The following LYPD2 variants were observed in gnomAD, a reference collection of about 807,000 sequenced individuals.
LYPD2 encodes ly6/PLAUR domain-containing protein 2.
LYPD2 carries 5 observed loss-of-function variants against 7.1 expected under a neutral mutation model. The observed-to-expected ratio is 0.70, with a 90% CI of 0.37 to 1.48. The LOEUF (loss-of-function observed/expected upper bound fraction) is 1.48. Ranked by LOEUF, LYPD2 falls within the 40% of genes most tolerant of loss-of-function variation. The probability of loss-of-function intolerance (pLI) is 0.03; values close to 1 mark genes in which losing one functional copy is unlikely to be tolerated. For synonymous variants in LYPD2, 78 were observed against 82.0 expected (o/e 0.95, Z 0.26); for missense variants, 177 against 171.0 (o/e 1.04, Z -0.20).
rs1814731141 is a variant in LYPD2 at position 142,752,463 on chromosome 8, A to G, written c.-12T>C. The G allele has an allele frequency of 1.9e-6, 3 of 1,612,858 alleles. No homozygotes were observed. Among genetic ancestry groups the G allele is most frequent in the Non-Finnish European group, 2.5e-6 (3 of 1,179,548 alleles). On this transcript the variant is annotated 5_prime_UTR_variant, in exon 1 of 3. Transcript: ENST00000359228. ...CGCGTCCCCCGCATGGTCCCGGCCC[A>G]CTCCTCTGTGCTCTCACCCCAGGCT...
chr8:142,752,171 G>A (rs587736371), intron 1 of LYPD2, among the ~76,000 whole-genome samples: 1 of 152,116 alleles, frequency 6.6e-6, no homozygotes, highest in East Asian at 2.0e-4. Context: ...CACCTCGAAG[G>A]CCACCCTCTG....
intron 1 of LYPD2, 48 bp from the exon 2 acceptor site, chr8:142,751,218 G>A (rs1297181421): frequency 1.2e-6 from 2 of 1,606,898 alleles, no homozygotes; most frequent in Non-Finnish European, 1.7e-6. Flanking sequence ...CCCCTCCCAA[G>A]CCCAGAGACA....
rs766307085 is a variant in LYPD2 at position 142,751,150 on chromosome 8, C to T, written c.79G>A (p.Val27Ile). Residue 27 changes from valine to isoleucine, a missense_variant, in exon 2 of 3, where the codon GTC becomes ATC. Val to Ile is a conservative substitution (Grantham distance 29). Transcript: ENST00000359228. ...GELAPALRCYVCPEPTGVSDC... is the reference protein window; with the variant it reads ...GELAPALRCYICPEPTGVSDC... ...GACACTCCTGTGGGCTCCGGACAGA[C>T]GTAGCAGCGCAGGGCCGGCGCTGGG... 8 of 1,613,978 alleles carry T rather than the reference C, an allele frequency of 5.0e-6. No homozygotes were observed. The highest frequency in any genetic ancestry group is 2.2e-5 in the South Asian group (2 of 91,082).
Position 142,752,448 on chromosome 8 carries a change from G to C in LYPD2, c.4C>G (p.Arg2Gly), listed in dbSNP as rs766328861. Residue 2 changes from arginine to glycine, a missense_variant, in exon 1 of 3, where the codon CGG becomes GGG. Physicochemically the swap from Arg to Gly is moderately radical, Grantham distance 125. Transcript: ENST00000359228. ...GCCAGGAGCGCCAGCCGCGTCCCCC[G>C]CATGGTCCCGGCCCACTCCTCTGTG... M[R>G]GTRLALLALV... The C allele has an allele frequency of 6.2e-7, 1 of 1,613,342 alleles. No homozygotes were observed. The highest frequency in any genetic ancestry group is 1.7e-5 in the Admixed American group (1 of 59,994).
At chr8:142,750,821 G>T (rs1488595062) in intron 2 of LYPD2, among the ~76,000 whole-genome samples, 3 of 152,284 alleles carry the variant, frequency 2.0e-5, no homozygotes, top group African/African-American at 7.2e-5. Context: ...GGGGAGGGCA[G>T]AGGGAGGCCT....
rs137910852 is a variant in LYPD2, at chr8:142,751,069, G to A, written c.160C>T (p.Leu54Phe). Reference protein sequence around the residue: ...TTNETMCKTTLYSREIVYPFQ... With the variant: ...TTNETMCKTTFYSREIVYPFQ... The stretch of plus-strand genomic sequence containing the variant: ...CACTGACCTATCTCCCGGGAGTAGA[G>A]TGTGGTCTTGCACATGGTTTCGTTG... The change falls in exon 2 of 3, where the codon CTC (leucine) becomes TTC (phenylalanine). Residue 54 changes from leucine (L) to phenylalanine (F), a missense_variant. Leu to Phe is a conservative substitution (Grantham distance 22, BLOSUM62 0). Coordinates refer to ENST00000359228, the MANE Select transcript of LYPD2 (RefSeq NM_205545.3). 239 of 1,614,222 alleles carry A rather than the reference G, an allele frequency of 1.5e-4. No individual in the cohort carries two copies. Among genetic ancestry groups the A allele is most frequent in the Non-Finnish European group, 1.9e-4 (222 of 1,180,036 alleles).
rs145981734 is a variant in LYPD2 at position 142,751,092 on chromosome 8, T to C, written c.137A>G (p.Asn46Ser). Residue 46 changes from asparagine (N) to serine (S), a missense_variant, in exon 2 of 3, where the codon AAC becomes AGC. Coordinates refer to ENST00000359228, the MANE Select transcript of LYPD2 (RefSeq NM_205545.3). The stretch of plus-strand genomic sequence containing the variant: ...GAGTGTGGTCTTGCACATGGTTTCG[T>C]TGGTGGTGCAGGTGGCGATGGTGAC... ...DCVTIATCTTNETMCKTTLYS... is the reference protein window; with the variant it reads ...DCVTIATCTTSETMCKTTLYS... The C allele has an allele frequency of 9.5e-5, 153 of 1,613,990 alleles. No homozygotes were observed. The African/African-American group carries it at 1.6e-3, about 17-fold the overall frequency.
rs1327753671 is a variant in LYPD2, at chr8:142,750,481, C to T, written c.180G>A (p.Val60=). Reference sequence around the variant, plus strand: ...CCGTGGAGTCCCCCTGGAAGGGGTACACTGTGGGGTGTGGGAAGAGTCAGC... The same window carrying T: ...CCGTGGAGTCCCCCTGGAAGGGGTATACTGTGGGGTGTGGGAAGAGTCAGC... ...CKTTLYSREI[V]YPFQGDSTVT... Residue 60 remains valine, a splice_region_variant and synonymous_variant, in exon 3 of 3, where the codon GTG becomes GTA. Transcript: ENST00000359228. 2.5e-6 allele frequency: 4 copies of T among 1,577,770 alleles called. No homozygotes were observed. The highest frequency in any genetic ancestry group is 3.4e-6 in the Non-Finnish European group (4 of 1,161,564).
Position 142,752,521 on chromosome 8 carries a change from T to C in LYPD2, c.-70A>G, listed in dbSNP as rs1814732325. On this transcript the variant is annotated 5_prime_UTR_variant, in exon 1 of 3. Coordinates refer to ENST00000359228, the MANE Select transcript of LYPD2 (RefSeq NM_205545.3). Reference sequence around the variant, plus strand: ...CGGGGACAGCAGACACCAAGTGAGGTGGCGACAGACTGGTCTGCTGAGCGG... The same window carrying C: ...CGGGGACAGCAGACACCAAGTGAGGCGGCGACAGACTGGTCTGCTGAGCGG... 11 of 1,575,954 alleles carry C rather than the reference T, an allele frequency of 7.0e-6. No homozygotes were observed. Among genetic ancestry groups the C allele is most frequent in the Non-Finnish European group, 9.5e-6 (11 of 1,152,030 alleles).
chr8:142,750,692 T>C (rs1356988921), intron 2 of LYPD2, among the ~76,000 whole-genome samples: 2 of 152,242 alleles, frequency 1.3e-5, no homozygotes, highest in African/African-American at 2.4e-5. Flanking sequence ...ATGGGGCAGT[T>C]CCCGCCCCGA....
intron 2 of LYPD2, 37 bp from the exon 3 acceptor site, chr8:142,750,519 T>C: frequency 6.5e-7 from 1 of 1,544,112 alleles, no homozygotes; most frequent in Non-Finnish European, 8.8e-7. Context: ...TCAGGGCTGG[T>C]CACTGCCTCC....
rs1814728244 is a variant in LYPD2 at position 142,752,390 on chromosome 8, T to C, written c.58+4A>G. On this transcript the variant is annotated splice_donor_region_variant and intron_variant, in intron 1 of 2. Coordinates refer to ENST00000359228, the MANE Select transcript of LYPD2 (RefSeq NM_205545.3). The stretch of plus-strand genomic sequence containing the variant: ...CCAGCTCCCCTGTGGGTCCCACACC[T>C]CACCCAGCTCTCCGCAGGCAGCCAG... 1 of 1,613,122 alleles carries C rather than the reference T, an allele frequency of 6.2e-7. No homozygotes were observed. Among genetic ancestry groups the C allele is most frequent in the South Asian group, 1.1e-5 (1 of 91,054 alleles).
intron 2 of LYPD2, 111 bp downstream of exon 2, chr8:142,750,940 C>G: frequency 6.4e-7 from 1 of 1,553,254 alleles, no homozygotes; most frequent in Non-Finnish European, 8.7e-7. Flanking sequence ...GGGAACCCAG[C>G]CCTGCCCGCC....
intron 1 of LYPD2, among the ~76,000 whole-genome samples, 185 bp downstream of exon 1, chr8:142,752,209 C>T (rs587667938): frequency 1.6e-4 from 25 of 152,204 alleles, no homozygotes; most frequent in East Asian, 1.4e-3. Context: ...TCCCCCTCAC[C>T]GCCAGCCCCT....
At chr8:142,751,963 G>A (rs2130038954) in intron 1 of LYPD2, among the ~76,000 whole-genome samples, 1 of 152,244 alleles carries the variant, frequency 6.6e-6, no homozygotes, top group South Asian at 2.1e-4. Flanking sequence ...GGTTGTTTCA[G>A]GCTCCACATC....
chr8:142,752,430 G>A lies in LYPD2; in HGVS notation c.22C>T (p.Leu8Phe). The A allele has an allele frequency of 1.2e-6, 2 of 1,613,378 alleles. No individual in the cohort carries two copies. Among genetic ancestry groups the A allele is most frequent in the African/African-American group, 1.3e-5 (1 of 75,036 alleles). ...CAGGCAGCCAGCACCAGCGCCAGGA[G>A]CGCCAGCCGCGTCCCCCGCATGGTC... MRGTRLALLALVLAACGE... is the reference protein window; with the variant it reads MRGTRLAFLALVLAACGE... Residue 8 changes from leucine to phenylalanine, a missense_variant, in exon 1 of 3, where the codon CTC becomes TTC. Physicochemically the swap from Leu to Phe is conservative, Grantham distance 22 (BLOSUM62 0). Transcript: ENST00000359228.
Position 142,750,470 on chromosome 8 carries a change from T to A in LYPD2, c.191A>T (p.Gln64Leu). ...GGACTTGGTCACCGTGGAGTCCCCC[T>A]GGAAGGGGTACACTGTGGGGTGTGG... is the stretch of plus-strand genomic sequence containing the variant. ...LYSREIVYPFQGDSTVTKSCA... is the reference protein window; with the variant it reads ...LYSREIVYPFLGDSTVTKSCA... Residue 64 changes from glutamine (Q) to leucine (L), a missense_variant, in exon 3 of 3, where the codon CAG (glutamine) becomes CTG (leucine). Gln to Leu is a moderately radical substitution (Grantham distance 113). Coordinates refer to ENST00000359228, the MANE Select transcript of LYPD2 (RefSeq NM_205545.3). The A allele has an allele frequency of 6.3e-7, 1 of 1,583,790 alleles. No homozygotes were observed. The highest frequency in any genetic ancestry group is 8.6e-7 in the Non-Finnish European group (1 of 1,164,786).
chr8:142,750,516 T>G (rs377543109), intron 2 of LYPD2, 34 bp from the exon 3 acceptor site: 97 of 1,551,080 alleles, frequency 6.3e-5, no homozygotes, highest in Non-Finnish European at 8.2e-5. Context: ...CCGTCAGGGC[T>G]GGTCACTGCC....
intron 1 of LYPD2, among the ~76,000 whole-genome samples, 173 bp downstream of exon 1, chr8:142,752,217 CCTCT>C (rs1191153992): frequency 6.6e-6 from 1 of 152,120 alleles, no homozygotes; most frequent in Non-Finnish European, 1.5e-5. Context: ...ACCGCCAGCC[CCTCT>C]CTCCGTTTCC....
Sources: allele counts gnomAD v4.1 joint callset (sites outside exome capture counted in the v4.1 genomes callset), GRCh38; gene constraint gnomAD v4.1.1; transcripts MANE v1.5; gene names NCBI Gene and HGNC (gene_info 2026-07-23, HGNC 2026-07-21).